Variants in FHIT observed in about 807,000 individuals in gnomAD.
FHIT encodes bis(5'-adenosyl)-triphosphatase.
FHIT carries 19 observed loss-of-function variants against 17.9 expected under a neutral mutation model. The ratio of observed to expected loss-of-function variants is 1.06; its 90% confidence interval spans 0.74 to 1.56. The LOEUF is 1.56. Among genes scored for constraint, FHIT ranks in the 40% most tolerant of loss-of-function variants. FHIT has a pLI of 0.00. For missense variants in FHIT, 248 were observed against 189.2 expected, an observed-to-expected ratio of 1.31 and a Z score of -1.82; for synonymous variants, 81 against 69.7, an observed-to-expected ratio of 1.16 and a Z score of -0.81.
intron 5 of FHIT, among the ~76,000 whole-genome samples, chr3:60,203,890 A>T (rs1353431047): frequency 1.3e-5 from 2 of 152,180 alleles, no homozygotes; most frequent in East Asian, 3.8e-4. Context: ...GCTAAAAATC[A>T]GAACAATTGA....
At chr3:60,108,665 C>CTTT (rs67464031) in intron 5 of FHIT, among the ~76,000 whole-genome samples, 6 of 143,882 alleles carry the variant, frequency 4.2e-5, no homozygotes, top group African/African-American at 1.0e-4. Flanking sequence ...AGTTACTTCT[C>CTTT]TTTTTTTTTT....
intron 5 of FHIT, among the ~76,000 whole-genome samples, chr3:60,258,486 C>T (rs551815636): frequency 1.2e-4 from 19 of 152,224 alleles, no homozygotes; most frequent in African/African-American, 4.6e-4. Flanking sequence ...ATATCTTTGA[C>T]ATATGGCATC....
chr3:59,893,589 G>A (rs1034842097), intron 8 of FHIT, among the ~76,000 whole-genome samples: 1 of 152,176 alleles, frequency 6.6e-6, no homozygotes, highest in Non-Finnish European at 1.5e-5. Context: ...CATTTTTGTA[G>A]GAAGTGTGTT....
chr3:60,732,596 G>A (rs994760840), intron 4 of FHIT: 6 of 565,058 alleles, frequency 1.1e-5, no homozygotes, highest in African/African-American at 5.6e-5. Context: ...CAAGGGCTCC[G>A]TGTCAATGGC....
At chr3:60,590,237 G>A (rs1340429211) in intron 4 of FHIT, among the ~76,000 whole-genome samples, 1 of 151,934 alleles carries the variant, frequency 6.6e-6, no homozygotes, top group Non-Finnish European at 1.5e-5. Flanking sequence ...CCACCTTGGC[G>A]GACATCAAAG....
intron 5 of FHIT, among the ~76,000 whole-genome samples, chr3:60,059,233 G>C (rs758285068): frequency 6.6e-6 from 1 of 152,224 alleles, no homozygotes; most frequent in Non-Finnish European, 1.5e-5. Context: ...TTCAGGAGTT[G>C]GGCGAGTGAG....
chr3:59,818,380 G>T (rs538292565), intron 8 of FHIT, among the ~76,000 whole-genome samples: 1 of 151,982 alleles, frequency 6.6e-6, no homozygotes. Flanking sequence ...GTTAATTCAC[G>T]GATGTGGAAG....
intron 5 of FHIT, among the ~76,000 whole-genome samples, chr3:60,460,139 TCAA>T (rs150939067): frequency 0.045 from 6,833 of 152,210 alleles, 496 homozygotes; most frequent in African/African-American, 0.15. Flanking sequence ...AGAAATGTCT[TCAA>T]CAAATATGTC....
intron 3 of FHIT, among the ~76,000 whole-genome samples, chr3:60,881,431 T>C (rs1197081479): frequency 6.6e-6 from 1 of 152,190 alleles, no homozygotes; most frequent in African/African-American, 2.4e-5. Flanking sequence ...TTAGCTCAAA[T>C]GGACCTAGCA....
At chr3:60,874,711 A>T (rs1553755923) in intron 3 of FHIT, among the ~76,000 whole-genome samples, 2 of 152,086 alleles carry the variant, frequency 1.3e-5, no homozygotes, top group African/African-American at 4.8e-5. Context: ...CCCACCTCCC[A>T]TCTGCAGTCT....
chr3:60,346,509 G>C (rs1056999563), intron 5 of FHIT, among the ~76,000 whole-genome samples: 1 of 152,180 alleles, frequency 6.6e-6, no homozygotes, highest in African/African-American at 2.4e-5. Flanking sequence ...GTGCTCTTCA[G>C]CTCATCTGTG....
intron 3 of FHIT, among the ~76,000 whole-genome samples, chr3:60,928,619 A>T (rs1182721453): frequency 6.6e-6 from 1 of 151,992 alleles, no homozygotes; most frequent in African/African-American, 2.4e-5. Flanking sequence ...AATCTAGAAG[A>T]AATGGATAAA....
chr3:60,744,246 T>TAAAAAAAAA (rs368982395), intron 4 of FHIT, among the ~76,000 whole-genome samples: 17 of 30,844 alleles, frequency 5.5e-4, no homozygotes, highest in African/African-American at 1.4e-3. Flanking sequence ...GGAAGTAATG[T>TAAAAAAAAA]AAAAAAAAAA....
chr3:61,097,762 T>C (rs2035688459), intron 2 of FHIT, among the ~76,000 whole-genome samples: 1 of 152,200 alleles, frequency 6.6e-6, no homozygotes, highest in African/African-American at 2.4e-5. Flanking sequence ...TTTTGAAAAG[T>C]GTTTGTTCAT....
intron 5 of FHIT, among the ~76,000 whole-genome samples, chr3:60,311,329 T>C (rs957265392): frequency 3.9e-5 from 6 of 152,026 alleles, no homozygotes; most frequent in Admixed American, 1.3e-4. Context: ...TGTCCTTGAG[T>C]TTAGATTCAG....
intron 4 of FHIT, among the ~76,000 whole-genome samples, chr3:60,539,763 G>A (rs1013971710): frequency 2.0e-5 from 3 of 151,990 alleles, no homozygotes; most frequent in East Asian, 3.9e-4. Context: ...GACACAGGAA[G>A]GGGAACATCA....
intron 7 of FHIT, among the ~76,000 whole-genome samples, chr3:59,926,750 G>C (rs1281437694): frequency 6.6e-6 from 1 of 152,106 alleles, no homozygotes; most frequent in South Asian, 2.1e-4. Flanking sequence ...TAGTCATTAG[G>C]GAAATGCAAA....
chr3:60,782,237 G>GTGTATATA (rs1553725880), intron 4 of FHIT, among the ~76,000 whole-genome samples: 45 of 95,592 alleles, frequency 4.7e-4, no homozygotes, highest in Middle Eastern at 6.4e-3. Context: ...GTGTGTGTGT[G>GTGTATATA]TATATATATA....
chr3:60,298,243 A>G (rs9311756), intron 5 of FHIT, among the ~76,000 whole-genome samples: 82,198 of 151,864 alleles, frequency 0.54, 23,089 homozygotes, highest in East Asian at 0.95. Context: ...GATCATCCAG[A>G]CCTTCAGACC....
Sources: allele counts gnomAD v4.1 joint callset (sites outside exome capture counted in the v4.1 genomes callset), GRCh38; gene constraint gnomAD v4.1.1; transcripts MANE v1.5; gene names NCBI Gene and HGNC (gene_info 2026-07-23, HGNC 2026-07-21).